Variants in TANC2 observed in about 807,000 individuals in gnomAD.
TANC2 encodes the protein tetratricopeptide repeat, ankyrin repeat and coiled-coil containing 2, also known as protein TANC2.
In TANC2, 26 loss-of-function variants were observed where a neutral mutation model predicts 210.5. The ratio of observed to expected loss-of-function variants is 0.12; its 90% CI spans 0.09 to 0.17. TANC2 has a LOEUF of 0.17. TANC2 is among the 10% of genes least tolerant of loss of function. TANC2 has a pLI of 1.00. For synonymous variants in TANC2, 931 were observed against 967.1 expected (o/e 0.96, Z 0.69); for missense variants, 2,129 against 2,608.9 (o/e 0.82, Z 4.01).
At chr17:63,175,033 A>G (rs2040528919) in intron 5 of TANC2, among the ~76,000 whole-genome samples, 1 of 152,196 alleles carries the variant, frequency 6.6e-6, no homozygotes. Context: ...CAATATTGGT[A>G]AAATAGCAAT....
intron 3 of TANC2, among the ~76,000 whole-genome samples, chr17:63,098,960 A>T (rs1485775491): frequency 1.3e-5 from 2 of 152,200 alleles, no homozygotes; most frequent in African/African-American, 2.4e-5. Flanking sequence ...TGAACACCTT[A>T]TAAGAAGGAA....
At chr17:63,177,252 G>A in intron 5 of TANC2, among the ~76,000 whole-genome samples, 1 of 128,758 alleles carries the variant, frequency 7.8e-6, no homozygotes, top group Admixed American at 8.4e-5. Context: ...GTGACAGAGT[G>A]AGACTCTGTC....
At chr17:63,225,935 A>G (rs536499254) in intron 7 of TANC2, among the ~76,000 whole-genome samples, 66 of 152,362 alleles carry the variant, frequency 4.3e-4, no homozygotes, top group African/African-American at 1.5e-3. Context: ...CCACAGAAGC[A>G]CTAGAAGTTT....
chr17:63,397,208 G>A (rs1248693201), intron 18 of TANC2, among the ~76,000 whole-genome samples: 1 of 152,146 alleles, frequency 6.6e-6, no homozygotes, highest in Non-Finnish European at 1.5e-5. Flanking sequence ...CCGGGAGGTG[G>A]AGGTTGCAGT....
intron 7 of TANC2, among the ~76,000 whole-genome samples, chr17:63,203,362 G>A (rs1049013549): frequency 6.6e-6 from 1 of 152,058 alleles, no homozygotes; most frequent in African/African-American, 2.4e-5. Flanking sequence ...ACATTTTATT[G>A]TAGAAATGTT....
intron 12 of TANC2, among the ~76,000 whole-genome samples, chr17:63,346,387 T>C (rs1418822473): frequency 2.0e-5 from 3 of 152,234 alleles, no homozygotes; most frequent in Non-Finnish European, 4.4e-5. Flanking sequence ...GACAAAGCAC[T>C]TGTATCTACG....
chr17:63,379,892 A>G, intron 15 of TANC2, 66 bp downstream of exon 15: 1 of 1,353,164 alleles, frequency 7.4e-7, no homozygotes, highest in Admixed American at 1.9e-5. Context: ...TTTATGTAAG[A>G]GACTATTTCA....
chr17:63,089,686 G>A (rs2037108890), intron 3 of TANC2, among the ~76,000 whole-genome samples: 1 of 152,032 alleles, frequency 6.6e-6, no homozygotes, highest in Non-Finnish European at 1.5e-5. Flanking sequence ...ATAAATCTTT[G>A]CATGAAAGAA....
chr17:63,197,969 G>A (rs190662883), intron 6 of TANC2, among the ~76,000 whole-genome samples: 18 of 152,250 alleles, frequency 1.2e-4, no homozygotes, highest in East Asian at 7.7e-4. Flanking sequence ...TAAGCTTTGC[G>A]TTTACAGTTA....
At chr17:63,023,915 G>A (rs1205465649) in intron 2 of TANC2, among the ~76,000 whole-genome samples, 1 of 152,164 alleles carries the variant, frequency 6.6e-6, no homozygotes, top group African/African-American at 2.4e-5. Context: ...CAAATTTGTA[G>A]CAATTCTGTA....
chr17:63,303,686 G>C (rs1034098166), intron 9 of TANC2, among the ~76,000 whole-genome samples: 2 of 152,106 alleles, frequency 1.3e-5, no homozygotes, highest in Non-Finnish European at 2.9e-5. Context: ...ATCCTGAAGT[G>C]TGTTTTCCAA....
At chr17:63,395,856 G>A (rs1234762233) in exon 18 of TANC2, 2 of 1,611,698 alleles carry the variant, frequency 1.2e-6, no homozygotes, top group Non-Finnish European at 1.7e-6. Flanking sequence ...CCGGCCAGCA[G>A]CAAGGAGTAT....
At chr17:63,123,812 C>T (rs2145158208) in intron 4 of TANC2, among the ~76,000 whole-genome samples, 1 of 145,690 alleles carries the variant, frequency 6.9e-6, no homozygotes, top group East Asian at 2.2e-4. Flanking sequence ...AAGCAATTCT[C>T]TGCCTCAGCC....
At chr17:63,025,848 A>AAAATG (rs1416695187) in intron 2 of TANC2, among the ~76,000 whole-genome samples, 1 of 151,434 alleles carries the variant, frequency 6.6e-6, no homozygotes, top group East Asian at 1.9e-4. Flanking sequence ...AAAATAAAAT[A>AAAATG]AAATAAAATA....
chr17:63,410,364 G>C (rs2048655558), intron 21 of TANC2, among the ~76,000 whole-genome samples: 2 of 140,388 alleles, frequency 1.4e-5, no homozygotes, highest in Non-Finnish European at 3.0e-5. Flanking sequence ...CTAGTTTCTG[G>C]TAACCACCAT....
intron 9 of TANC2, among the ~76,000 whole-genome samples, chr17:63,289,569 C>G (rs1490727562): frequency 2.6e-5 from 4 of 152,154 alleles, no homozygotes; most frequent in Admixed American, 6.6e-5. Context: ...ATTTCCATCT[C>G]TTTGCTTACA....
chr17:63,334,939 C>T (rs1294850947), intron 11 of TANC2, among the ~76,000 whole-genome samples: 1 of 152,134 alleles, frequency 6.6e-6, no homozygotes, highest in Non-Finnish European at 1.5e-5. Flanking sequence ...CATCACATGG[C>T]CAGAGCAGAG....
chr17:63,272,809 A>G (rs2043753948), intron 9 of TANC2, among the ~76,000 whole-genome samples: 1 of 152,096 alleles, frequency 6.6e-6, no homozygotes. Flanking sequence ...AAGTTTATTG[A>G]CTGACTGATT....
exon 14 of TANC2, chr17:63,355,244 G>T: frequency 6.2e-7 from 1 of 1,613,620 alleles, no homozygotes; most frequent in Non-Finnish European, 8.5e-7. Context: ...CACTAGAATG[G>T]GAGGATTTTC....
Sources: gnomAD v4.1 joint callset for allele counts (sites outside exome capture counted in the v4.1 genomes callset) on GRCh38, gnomAD v4.1.1 for gene constraint, MANE v1.5 for transcripts, NCBI Gene and HGNC (gene_info 2026-07-23, HGNC 2026-07-21) for gene names.